The following FAAH2 variants were observed in gnomAD, a reference collection of about 807,000 sequenced individuals.
FAAH2 encodes the protein fatty-acid amide hydrolase 2.
FAAH2 carries 60 observed loss-of-function variants against 36.9 expected under a neutral mutation model. The observed-to-expected ratio is 1.63, with a 90% CI of 1.32 to 2.02. The LOEUF is 2.02. Ranked by LOEUF, FAAH2 falls within the 30% of genes most tolerant of loss-of-function variation. FAAH2 has a pLI of 0.00. For synonymous variants in FAAH2, 214 were observed against 143.8 expected (o/e 1.49, Z -3.49); for missense variants, 689 against 397.5 (o/e 1.73, Z -6.23).
At chrX:57,430,512 T>C (rs999165453) in intron 7 of FAAH2, among the ~76,000 whole-genome samples, 3 of 111,685 alleles carry the variant, frequency 2.7e-5, no homozygotes, top group Non-Finnish European at 5.6e-5. Flanking sequence ...ATGACTCTGT[T>C]TTATGTTACA....
At chrX:57,161,881 G>T in the FAAH2 span, among the ~76,000 whole-genome samples, 2 of 111,284 alleles carry the variant, frequency 1.8e-5, no homozygotes, top group Admixed American at 9.6e-5. Flanking sequence ...ATATTGTTAC[G>T]TGTGAATTTG....
chrX:57,384,488 A>G (rs2054955475), intron 7 of FAAH2, among the ~76,000 whole-genome samples: 2 of 110,040 alleles, frequency 1.8e-5, no homozygotes, highest in Admixed American at 1.9e-4. Flanking sequence ...GAAAAAAACA[A>G]ACAACCCCAT....
chrX:57,436,551 C>T (rs1008543210), intron 8 of FAAH2, among the ~76,000 whole-genome samples: 1 of 109,886 alleles, frequency 9.1e-6, no homozygotes, highest in Non-Finnish European at 1.9e-5. Flanking sequence ...ACAACAAAAT[C>T]GGAAAAGCAA....
chrX:57,463,877 A>T (rs1260410252), intron 10 of FAAH2, among the ~76,000 whole-genome samples: 2 of 111,878 alleles, frequency 1.8e-5, no homozygotes, highest in African/African-American at 6.5e-5. Flanking sequence ...AAGAAATACC[A>T]TTTGACCTAG....
intron 2 of FAAH2, among the ~76,000 whole-genome samples, chrX:57,300,289 C>G (rs1223746689): frequency 2.7e-5 from 3 of 110,932 alleles, no homozygotes; most frequent in African/African-American, 9.8e-5. Context: ...ACAGAGCCCT[C>G]AGAAACAATG....
intron 10 of FAAH2, among the ~76,000 whole-genome samples, chrX:57,468,930 T>C (rs777481156): frequency 9.0e-6 from 1 of 111,200 alleles, no homozygotes; most frequent in African/African-American, 3.3e-5. Context: ...CAGAAGAGAG[T>C]GGGGGCCAAT....
intron 4 of FAAH2, among the ~76,000 whole-genome samples, chrX:57,340,951 A>G (rs2053671693): frequency 9.0e-6 from 1 of 110,529 alleles, no homozygotes; most frequent in Admixed American, 9.6e-5. Context: ...CCAGAACTTA[A>G]AAGTTGATGG....
chrX:57,297,426 C>T (rs953573870), intron 2 of FAAH2, among the ~76,000 whole-genome samples: 1 of 110,357 alleles, frequency 9.1e-6, no homozygotes, highest in Non-Finnish European at 1.9e-5. Context: ...TACCACCAGG[C>T]CTGCCCTGAA....
intron 10 of FAAH2, among the ~76,000 whole-genome samples, chrX:57,485,187 G>A (rs1323044661): frequency 8.9e-6 from 1 of 112,136 alleles, no homozygotes; most frequent in African/African-American, 3.2e-5. Flanking sequence ...TACAGATGCA[G>A]TGTTGGATTT....
the FAAH2 span, among the ~76,000 whole-genome samples, chrX:57,176,070 A>G: frequency 2.3e-4 from 26 of 111,328 alleles, no homozygotes; most frequent in South Asian, 1.1e-3. Flanking sequence ...CCTTTTTGCA[A>G]TTAATCTCCC....
the FAAH2 span, among the ~76,000 whole-genome samples, chrX:57,241,462 C>T: frequency 1.8e-5 from 2 of 110,681 alleles, no homozygotes; most frequent in South Asian, 3.8e-4. Flanking sequence ...AAAAACAGAC[C>T]TATTAAAAAG....
upstream of FAAH2, among the ~76,000 whole-genome samples, chrX:57,283,121 G>A (rs1461603572): frequency 3.6e-5 from 4 of 112,342 alleles, no homozygotes; most frequent in Non-Finnish European, 5.6e-5. Flanking sequence ...AGGGGATTGC[G>A]GAGGGAACAG....
chrX:57,135,614 A>T, the FAAH2 span: 2 of 876,080 alleles, frequency 2.3e-6, no homozygotes, highest in South Asian at 2.7e-5. Flanking sequence ...ACACACCCGA[A>T]CTTTTCAACA....
In FAAH2 at chrX:57,412,072, T is replaced by C. The variant is rs188388084; in HGVS notation, c.997-19846T>C. 2.6e-4 allele frequency among the ~76,000 whole-genome samples: 29 copies of C among 111,806 alleles called. No homozygotes were observed. In the South Asian group the frequency reaches 7.4e-3, roughly 28 times the overall value. On this transcript the variant is annotated intron_variant, in intron 7 of 10. Coordinates refer to ENST00000374900, the MANE Select transcript of FAAH2 (RefSeq NM_174912.4). ...ATAGTCAAATCTAGTAATTGGGATA[T>C]CCATTGCCTAAAACATTTATTATTA...
intron 7 of FAAH2, among the ~76,000 whole-genome samples, chrX:57,415,445 A>C (rs776709806): frequency 9.0e-6 from 1 of 111,640 alleles, no homozygotes; most frequent in East Asian, 2.8e-4. Context: ...CATTGGCTTC[A>C]AAGAACTTCT....
chrX:57,208,048 C>A, the FAAH2 span, among the ~76,000 whole-genome samples: 10 of 112,618 alleles, frequency 8.9e-5, no homozygotes, highest in African/African-American at 2.3e-4. Flanking sequence ...AGGGAACTGC[C>A]AAGCCTCTAT....
chrX:57,206,670 TCA>T, the FAAH2 span, among the ~76,000 whole-genome samples: 1 of 112,229 alleles, frequency 8.9e-6, no homozygotes, highest in African/African-American at 3.2e-5. Flanking sequence ...TGCAAACCAT[TCA>T]CAGTCTTGCT....
chrX:57,460,066 T>C (rs2056931364), intron 10 of FAAH2, among the ~76,000 whole-genome samples: 1 of 111,029 alleles, frequency 9.0e-6, no homozygotes, highest in African/African-American at 3.3e-5. Context: ...AAGAAGTGTG[T>C]TCTAAACCAA....
the FAAH2 span, among the ~76,000 whole-genome samples, chrX:57,150,902 A>C: frequency 8.9e-6 from 1 of 111,753 alleles, no homozygotes; most frequent in Non-Finnish European, 1.9e-5. Flanking sequence ...GTGGTACCGG[A>C]TGTTCCTTTC....
Sources: allele counts gnomAD v4.1 joint callset (sites outside exome capture counted in the v4.1 genomes callset), GRCh38; gene constraint gnomAD v4.1.1; transcripts MANE v1.5; gene names NCBI Gene and HGNC (gene_info 2026-07-23, HGNC 2026-07-21).